DTNBP1: variants seen among roughly 807,000 people sequenced by gnomAD.
DTNBP1 encodes the protein dysbindin.
In DTNBP1, 35 loss-of-function variants were observed where a neutral mutation model predicts 42.8. The ratio of observed to expected loss-of-function variants is 0.82; its 90% confidence interval spans 0.63 to 1.09. The LOEUF is 1.09. DTNBP1 is among the 50% of genes least tolerant of loss of function. DTNBP1 has a pLI of 0.00. For synonymous variants in DTNBP1, 171 were observed against 162.2 expected (o/e 1.05, Z -0.41); for missense variants, 457 against 424.2 (o/e 1.08, Z -0.68).
At chr6:15,606,856 T>C (rs1758088737) in intron 6 of DTNBP1, among the ~76,000 whole-genome samples, 1 of 152,214 alleles carries the variant, frequency 6.6e-6, no homozygotes, top group Admixed American at 6.5e-5. Flanking sequence ...GACTCATCTC[T>C]TATGAACCAG....
intron 7 of DTNBP1, 32 bp from the exon 8 acceptor site, chr6:15,533,427 T>C (rs764601456): frequency 7.2e-5 from 117 of 1,614,050 alleles, no homozygotes; most frequent in Non-Finnish European, 9.7e-5. Flanking sequence ...GGTTAGGGTT[T>C]GAAAAGGGAC....
chr6:15,557,703 C>A (rs1429163224), intron 7 of DTNBP1, among the ~76,000 whole-genome samples: 1 of 151,962 alleles, frequency 6.6e-6, no homozygotes, highest in Non-Finnish European at 1.5e-5. Flanking sequence ...AAAAAAGAGG[C>A]AGGAAAAAAG....
chr6:15,649,363 T>C (rs1249438787), intron 3 of DTNBP1, among the ~76,000 whole-genome samples: 2 of 152,180 alleles, frequency 1.3e-5, no homozygotes, highest in Non-Finnish European at 2.9e-5. Context: ...TGCTGCAACA[T>C]AAACTTTGAA....
At chr6:15,526,439 G>A (rs1772399572) in intron 8 of DTNBP1, among the ~76,000 whole-genome samples, 1 of 152,214 alleles carries the variant, frequency 6.6e-6, no homozygotes, top group Non-Finnish European at 1.5e-5. Flanking sequence ...TTATCCTCAG[G>A]CTCAGAAAAT....
At chr6:15,619,836 T>C (rs1320344762) in intron 5 of DTNBP1, among the ~76,000 whole-genome samples, 1 of 152,084 alleles carries the variant, frequency 6.6e-6, no homozygotes, top group Non-Finnish European at 1.5e-5. Flanking sequence ...TTTAAGTTAT[T>C]TTAAAATATA....
At chr6:15,659,934 G>A (rs1159725316) in intron 1 of DTNBP1, among the ~76,000 whole-genome samples, 2 of 152,080 alleles carry the variant, frequency 1.3e-5, no homozygotes, top group Admixed American at 6.6e-5. Flanking sequence ...CAAGTAGCTG[G>A]GACAACAAAA....
intron 7 of DTNBP1, among the ~76,000 whole-genome samples, chr6:15,575,485 AT>A (rs2113545371): frequency 6.6e-6 from 1 of 152,352 alleles, no homozygotes; most frequent in East Asian, 1.9e-4. Flanking sequence ...TGTAACTGAC[AT>A]TTTGTCTCAC....
chr6:15,548,937 TA>T (rs1299148602), intron 7 of DTNBP1, among the ~76,000 whole-genome samples: 1 of 152,190 alleles, frequency 6.6e-6, no homozygotes, highest in Non-Finnish European at 1.5e-5. Flanking sequence ...CATTAATTAT[TA>T]AAAATGTATA....
intron 7 of DTNBP1, among the ~76,000 whole-genome samples, chr6:15,533,924 T>C (rs1485597630): frequency 6.6e-6 from 1 of 152,230 alleles, no homozygotes; most frequent in Non-Finnish European, 1.5e-5. Context: ...TCTCAAGGTA[T>C]GTTTGTTAAA....
At chr6:15,627,192 T>C in intron 5 of DTNBP1, 151 bp downstream of exon 5, 1 of 990,954 alleles carries the variant, frequency 1.0e-6, no homozygotes, top group Non-Finnish European at 1.5e-6. Flanking sequence ...TGTGGAATCC[T>C]CAACTAATCA....
chr6:15,616,342 T>C (rs1758715695), intron 5 of DTNBP1, among the ~76,000 whole-genome samples: 2 of 152,156 alleles, frequency 1.3e-5, no homozygotes, highest in Admixed American at 1.3e-4. Flanking sequence ...TGCCAGTCAC[T>C]GTGCCAGTCA....
chr6:15,546,285 C>T (rs1581296499), intron 7 of DTNBP1, among the ~76,000 whole-genome samples: 1 of 151,936 alleles, frequency 6.6e-6, no homozygotes, highest in Non-Finnish European at 1.5e-5. Flanking sequence ...AGGCTGGTCT[C>T]GAACTCTCTG....
At position 15,631,943 on chromosome 6, in the gene DTNBP1, T is replaced by C. The variant is rs1035732856; in HGVS notation, c.223-4468A>G. ...AAACAAAACTGTCATCTGCAAATAA[T>C]GACCATCTGCACAGAAAGCTCAAGC... is the stretch of plus-strand genomic sequence containing the variant. On this transcript the variant is annotated intron_variant, in intron 4 of 9. Transcript: ENST00000344537. Among the ~76,000 whole-genome samples the C allele has an allele frequency of 3.3e-5, 5 of 152,210 alleles. No homozygotes were observed. The East Asian group carries it at 7.7e-4, about 23-fold the overall frequency.
chr6:15,551,770 G>A (rs573025038), intron 7 of DTNBP1, among the ~76,000 whole-genome samples: 13 of 152,294 alleles, frequency 8.5e-5, no homozygotes, highest in Non-Finnish European at 7.4e-5. Context: ...GTTGGCGCTC[G>A]GCAACAGTCT....
chr6:15,526,731 GGA>G (rs1324340305), intron 8 of DTNBP1, among the ~76,000 whole-genome samples: 1 of 152,184 alleles, frequency 6.6e-6, no homozygotes, highest in African/African-American at 2.4e-5. Context: ...TCTGACCTAC[GGA>G]AGCCTTTCGC....
intron 7 of DTNBP1, among the ~76,000 whole-genome samples, chr6:15,544,133 T>C (rs1181309304): frequency 6.6e-6 from 1 of 152,218 alleles, no homozygotes; most frequent in Non-Finnish European, 1.5e-5. Flanking sequence ...AAATCTATAA[T>C]TATGTTATTT....
intron 5 of DTNBP1, among the ~76,000 whole-genome samples, chr6:15,621,093 C>T (rs1759016609): frequency 6.6e-6 from 1 of 152,116 alleles, no homozygotes; most frequent in Admixed American, 6.5e-5. Flanking sequence ...ATCAAAATGT[C>T]AACAACATTT....
chr6:15,555,209 T>G (rs534650644), intron 7 of DTNBP1, among the ~76,000 whole-genome samples: 9 of 150,618 alleles, frequency 6.0e-5, no homozygotes, highest in African/African-American at 2.0e-4. Context: ...TAAAACACTT[T>G]CCTCTTTGCT....
chr6:15,633,302 G>A (rs1411156540), intron 4 of DTNBP1, among the ~76,000 whole-genome samples: 1 of 152,318 alleles, frequency 6.6e-6, no homozygotes, highest in African/African-American at 2.4e-5. Flanking sequence ...GCCATAGATA[G>A]AAGTTCCTTC....
Sources: allele counts gnomAD v4.1 joint callset (sites outside exome capture counted in the v4.1 genomes callset), GRCh38; gene constraint gnomAD v4.1.1; transcripts MANE v1.5; gene names NCBI Gene and HGNC (gene_info 2026-07-23, HGNC 2026-07-21).